The following ABTB3 variants were observed in gnomAD, a reference collection of about 807,000 sequenced individuals.
ABTB3 encodes the protein ankyrin repeat- and BTB/POZ domain-containing protein 3.
chr12:107,612,284 AACC>A, the ABTB3 span, among the ~76,000 whole-genome samples: 1 of 152,244 alleles, frequency 6.6e-6, no homozygotes, highest in Non-Finnish European at 1.5e-5. Context: ...GACCATGTCA[AACC>A]AGATGTCAAT....
the ABTB3 span, among the ~76,000 whole-genome samples, chr12:107,402,856 G>T: frequency 6.6e-6 from 1 of 152,158 alleles, no homozygotes; most frequent in Non-Finnish European, 1.5e-5. Context: ...CCAGTCAATT[G>T]AATACCTGTG....
At chr12:107,370,621 G>C in the ABTB3 span, among the ~76,000 whole-genome samples, 1 of 152,200 alleles carries the variant, frequency 6.6e-6, no homozygotes, top group Non-Finnish European at 1.5e-5. Context: ...GGAAGCATGG[G>C]AAGTGTTGCA....
the ABTB3 span, among the ~76,000 whole-genome samples, chr12:107,518,943 G>GTC: frequency 6.6e-6 from 1 of 152,176 alleles, no homozygotes; most frequent in Admixed American, 6.5e-5. Flanking sequence ...GTAACAACGT[G>GTC]TCTCCTTCAC....
At chr12:107,397,545 A>G in the ABTB3 span, among the ~76,000 whole-genome samples, 40 of 152,168 alleles carry the variant, frequency 2.6e-4, no homozygotes, top group African/African-American at 9.2e-4. Flanking sequence ...TATAAGTTGC[A>G]AATGCCTCTT....
the ABTB3 span, among the ~76,000 whole-genome samples, chr12:107,400,959 A>T: frequency 1.3e-5 from 2 of 152,186 alleles, no homozygotes; most frequent in Non-Finnish European, 2.9e-5. Flanking sequence ...TCGAGGAGCG[A>T]TCAGCCATCT....
chr12:107,436,467 A>G, the ABTB3 span, among the ~76,000 whole-genome samples: 2 of 152,138 alleles, frequency 1.3e-5, no homozygotes, highest in African/African-American at 4.8e-5. Flanking sequence ...TCAAAGGAGG[A>G]TTTGGAGCCA....
chr12:107,385,863 C>T, the ABTB3 span, among the ~76,000 whole-genome samples: 4 of 152,204 alleles, frequency 2.6e-5, no homozygotes, highest in Non-Finnish European at 5.9e-5. Flanking sequence ...ACCCTCCTGC[C>T]ATCCTCACCG....
chr12:107,510,722 G>A, the ABTB3 span, among the ~76,000 whole-genome samples: 1 of 151,896 alleles, frequency 6.6e-6, no homozygotes, highest in Admixed American at 6.6e-5. Context: ...GGAGTTTGAG[G>A]CCAGCCTGGC....
At chr12:107,645,624 G>A in the ABTB3 span, among the ~76,000 whole-genome samples, 1 of 152,206 alleles carries the variant, frequency 6.6e-6, no homozygotes, top group African/African-American at 2.4e-5. Context: ...TGGAAAATGC[G>A]TGTTCCCCCA....
chr12:107,388,133 T>C, the ABTB3 span, among the ~76,000 whole-genome samples: 1 of 151,744 alleles, frequency 6.6e-6, no homozygotes, highest in Non-Finnish European at 1.5e-5. Context: ...CCACCACACC[T>C]GCTAATTTTT....
the ABTB3 span, chr12:107,612,642 G>T: frequency 3.5e-6 from 3 of 864,126 alleles, no homozygotes; most frequent in Non-Finnish European, 5.4e-6. Flanking sequence ...CGAGTCACAG[G>T]GCTGCACGTT....
chr12:107,641,112 G>A, the ABTB3 span, among the ~76,000 whole-genome samples: 1 of 152,136 alleles, frequency 6.6e-6, no homozygotes, highest in African/African-American at 2.4e-5. Flanking sequence ...CTTCCTTCCA[G>A]GAAGTTTGCT....
At chr12:107,340,720 C>A in the ABTB3 span, among the ~76,000 whole-genome samples, 7 of 152,196 alleles carry the variant, frequency 4.6e-5, no homozygotes, top group African/African-American at 1.7e-4. Flanking sequence ...AAATAAGCAC[C>A]AGGCAGGAAC....
the ABTB3 span, among the ~76,000 whole-genome samples, chr12:107,323,138 T>C: frequency 6.6e-6 from 1 of 152,210 alleles, no homozygotes; most frequent in Non-Finnish European, 1.5e-5. Context: ...TGCAAGTTTT[T>C]CTACTTTGTT....
the ABTB3 span, among the ~76,000 whole-genome samples, chr12:107,644,739 C>G: frequency 6.6e-6 from 1 of 152,126 alleles, no homozygotes; most frequent in African/African-American, 2.4e-5. Context: ...CACCCTTTAC[C>G]CTCAAGCAGG....
the ABTB3 span, among the ~76,000 whole-genome samples, chr12:107,522,240 G>A: frequency 6.6e-6 from 1 of 152,108 alleles, no homozygotes; most frequent in African/African-American, 2.4e-5. Context: ...TGAGGGGGCA[G>A]GGCTTCAACA....
the ABTB3 span, among the ~76,000 whole-genome samples, chr12:107,598,111 A>G: frequency 2.0e-5 from 3 of 152,250 alleles, no homozygotes; most frequent in Admixed American, 6.5e-5. Context: ...ACAAAGGGAA[A>G]GTCAGAGCTA....
the ABTB3 span, among the ~76,000 whole-genome samples, chr12:107,324,754 T>C: frequency 2.0e-5 from 3 of 151,886 alleles, no homozygotes; most frequent in Non-Finnish European, 4.4e-5. Flanking sequence ...AAAAAAGCCA[T>C]AGGCATTCTT....
At chr12:107,391,977 C>T in the ABTB3 span, among the ~76,000 whole-genome samples, 560 of 152,290 alleles carry the variant, frequency 3.7e-3, 4 homozygotes, top group African/African-American at 0.011. Flanking sequence ...AACTTCAGAT[C>T]TGGGTTCTGC....
Sources: gnomAD v4.1 joint callset for allele counts (sites outside exome capture counted in the v4.1 genomes callset) on GRCh38, gnomAD v4.1.1 for gene constraint, MANE v1.5 for transcripts, NCBI Gene and HGNC (gene_info 2026-07-23, HGNC 2026-07-21) for gene names.